Variants in GPM6A observed in about 807,000 individuals in gnomAD.
GPM6A encodes the protein neuronal membrane glycoprotein M6-a.
In GPM6A, 7 loss-of-function variants were observed where a neutral mutation model predicts 32.1. The ratio of observed to expected loss-of-function variants is 0.22; its 90% CI spans 0.12 to 0.41. The LOEUF (loss-of-function observed/expected upper bound fraction) is 0.41, where lower values mean the gene tolerates loss of function less well. Among genes scored for constraint, GPM6A ranks in the 10% least tolerant of loss-of-function variants. The pLI is 1.00. For synonymous variants in GPM6A, 130 were observed against 123.4 expected (o/e 1.05, Z -0.35); for missense variants, 235 against 347.2 (o/e 0.68, Z 2.57).
At position 175,905,552 on chromosome 4, in the gene GPM6A, G is replaced by C. The variant is rs74666812; in HGVS notation, c.-22-93303C>G. On this transcript the variant is annotated intron_variant, in intron 1 of 7. Coordinates refer to the GPM6A transcript ENST00000280187. ...CTCCCTTTCCTGGCACAAGAGAAGGGAGAAGGTGGGGCACCTTCACGAAGG... is the reference window on the plus strand; with the variant it reads ...CTCCCTTTCCTGGCACAAGAGAAGGCAGAAGGTGGGGCACCTTCACGAAGG... Among the ~76,000 whole-genome samples, 655 of 152,174 alleles carry C rather than the reference G, an allele frequency of 4.3e-3. 5 individuals carry two copies. The highest frequency in any genetic ancestry group is 0.013 in the African/African-American group (557 of 41,524).
chr4:175,829,038 C>T (rs1735524876), intron 1 of GPM6A, among the ~76,000 whole-genome samples: 1 of 152,158 alleles, frequency 6.6e-6, no homozygotes, highest in Non-Finnish European at 1.5e-5. Context: ...ATCTTCCCAC[C>T]TCAGCCTCCC....
At chr4:175,707,704 C>T (rs1745279491) in intron 1 of GPM6A, among the ~76,000 whole-genome samples, 1 of 151,822 alleles carries the variant, frequency 6.6e-6, no homozygotes, top group South Asian at 2.1e-4. Context: ...GGATAAAATA[C>T]AGAGAGGAAA....
At chr4:175,913,494 T>C (rs1404393936) in intron 1 of GPM6A, among the ~76,000 whole-genome samples, 2 of 152,202 alleles carry the variant, frequency 1.3e-5, no homozygotes, top group Admixed American at 6.5e-5. Flanking sequence ...AAGGTTCCCA[T>C]TTCATTCAGA....
intron 1 of GPM6A, among the ~76,000 whole-genome samples, chr4:175,744,519 A>G (rs1175557353): frequency 1.3e-5 from 2 of 152,152 alleles, no homozygotes; most frequent in African/African-American, 2.4e-5. Context: ...CTCAAAATTT[A>G]AAAATATCTA....
intron 1 of GPM6A, among the ~76,000 whole-genome samples, chr4:175,991,864 G>A (rs766935485): frequency 5.9e-5 from 9 of 152,028 alleles, no homozygotes; most frequent in Non-Finnish European, 1.2e-4. Flanking sequence ...TTTACCTGGA[G>A]ATAACATTGC....
At chr4:175,899,832 T>C (rs752640685) in intron 1 of GPM6A, among the ~76,000 whole-genome samples, 2 of 151,910 alleles carry the variant, frequency 1.3e-5, no homozygotes, top group Non-Finnish European at 2.9e-5. Flanking sequence ...GAGCAATACC[T>C]CACAAGCACA....
At chr4:175,711,731 A>T (rs371131744) in intron 1 of GPM6A, among the ~76,000 whole-genome samples, 2 of 136,914 alleles carry the variant, frequency 1.5e-5, no homozygotes, top group African/African-American at 5.3e-5. Context: ...GGGGGTGGGG[A>T]GGCTGGCCTC....
chr4:175,821,561 C>G (rs964420354), intron 1 of GPM6A, among the ~76,000 whole-genome samples: 3 of 151,968 alleles, frequency 2.0e-5, no homozygotes, highest in East Asian at 1.9e-4. Flanking sequence ...AACATTTTTA[C>G]AAAATTGAAT....
chr4:175,720,448 G>C (rs1236968021), intron 1 of GPM6A, among the ~76,000 whole-genome samples: 1 of 152,122 alleles, frequency 6.6e-6, no homozygotes, highest in Non-Finnish European at 1.5e-5. Flanking sequence ...TATCTGAAAA[G>C]GCAGAAATGC....
intron 1 of GPM6A, among the ~76,000 whole-genome samples, chr4:175,894,166 T>C (rs1241890413): frequency 6.6e-6 from 1 of 152,118 alleles, no homozygotes; most frequent in Non-Finnish European, 1.5e-5. Context: ...GCAGATATAA[T>C]TGGAAAACAG....
chr4:175,870,518 C>T (rs562151362), intron 1 of GPM6A, among the ~76,000 whole-genome samples: 2 of 152,230 alleles, frequency 1.3e-5, no homozygotes, highest in South Asian at 4.1e-4. Flanking sequence ...TTTATTTTTG[C>T]AATTAAAAGC....
At chr4:175,849,996 G>A (rs1736203225) in intron 1 of GPM6A, among the ~76,000 whole-genome samples, 2 of 152,102 alleles carry the variant, frequency 1.3e-5, no homozygotes, top group Non-Finnish European at 1.5e-5. Context: ...GAGTATGGAC[G>A]GAGTAAAGGC....
intron 2 of GPM6A, among the ~76,000 whole-genome samples, chr4:175,686,260 A>T (rs1255178475): frequency 6.6e-6 from 1 of 152,366 alleles, no homozygotes; most frequent in African/African-American, 2.4e-5. Flanking sequence ...TTGGTGCAAA[A>T]GTAATTGCAG....
chr4:175,963,614 G>A (rs1398194107), intron 1 of GPM6A, among the ~76,000 whole-genome samples: 2 of 152,032 alleles, frequency 1.3e-5, no homozygotes, highest in East Asian at 1.9e-4. Flanking sequence ...GCTGGTAGAC[G>A]CTTCTTTAAA....
chr4:175,974,501 G>A (rs540164331), intron 1 of GPM6A, among the ~76,000 whole-genome samples: 15 of 146,724 alleles, frequency 1.0e-4, no homozygotes, highest in African/African-American at 2.5e-4. Context: ...GATTACAGGC[G>A]TGAGCCACCA....
At chr4:175,831,882 C>A (rs1735627578) in intron 1 of GPM6A, among the ~76,000 whole-genome samples, 1 of 151,886 alleles carries the variant, frequency 6.6e-6, no homozygotes, top group African/African-American at 2.4e-5. Context: ...CCACACCCGG[C>A]TAATTTTTGT....
chr4:175,683,761 G>T (rs1039311923), intron 2 of GPM6A, among the ~76,000 whole-genome samples: 8 of 152,074 alleles, frequency 5.3e-5, no homozygotes, highest in East Asian at 1.9e-4. Context: ...CCTGAGGACT[G>T]CCCAGTAATA....
rs561499425 is a variant in GPM6A at position 175,930,587 on chromosome 4, G to A, written c.-23+71722C>T. ...TTCAGTTTTATAAGAACCTTTTTTT[G>A]CTTGGTGAGGTTCTTTTGAGCCTCA... On this transcript the variant is annotated intron_variant, in intron 1 of 7. Transcript: ENST00000280187. Among the ~76,000 whole-genome samples the A allele has an allele frequency of 1.9e-4, 28 of 151,252 alleles. No individual in the cohort carries two copies. The South Asian group carries it at 5.8e-3, about 31-fold the overall frequency.
At chr4:175,830,526 A>G (rs1735577466) in intron 1 of GPM6A, among the ~76,000 whole-genome samples, 1 of 152,200 alleles carries the variant, frequency 6.6e-6, no homozygotes, top group South Asian at 2.1e-4. Flanking sequence ...TTAGGTGGTC[A>G]CTAATATTAC....
Sources: gnomAD v4.1 joint callset for allele counts (sites outside exome capture counted in the v4.1 genomes callset) on GRCh38, gnomAD v4.1.1 for gene constraint, MANE v1.5 for transcripts, NCBI Gene and HGNC (gene_info 2026-07-23, HGNC 2026-07-21) for gene names.